EPHA6: variants seen among roughly 807,000 people sequenced by gnomAD.
The protein encoded by EPHA6 is EPH receptor A6, also known as ephrin type-A receptor 6.
Under a neutral mutation model 112.0 loss-of-function variants are expected in EPHA6, and 50 were observed. That is an observed-to-expected ratio of 0.45 (90% CI 0.36 to 0.56). EPHA6 has a LOEUF of 0.56. Ranked by LOEUF, EPHA6 falls within the 20% of genes least tolerant of loss-of-function variation. EPHA6 has a pLI of 0.00. For missense variants in EPHA6, 1,280 were observed against 1,417.4 expected (o/e 0.90, Z 1.56); for synonymous variants, 529 against 490.7 (o/e 1.08, Z -1.03).
At chr3:97,458,478 G>T (rs1228521902) in intron 7 of EPHA6, among the ~76,000 whole-genome samples, 2 of 151,852 alleles carry the variant, frequency 1.3e-5, no homozygotes, top group African/African-American at 4.8e-5. Context: ...AATAATTTTG[G>T]CAATTCCATC....
At chr3:97,024,758 C>T (rs1001355022) in intron 3 of EPHA6, among the ~76,000 whole-genome samples, 1 of 152,060 alleles carries the variant, frequency 6.6e-6, no homozygotes, top group Admixed American at 6.6e-5. Context: ...ATTTGCAAAG[C>T]CGTTCCCTTA....
intron 6 of EPHA6, among the ~76,000 whole-genome samples, chr3:97,410,597 A>G (rs1004073302): frequency 3.9e-5 from 6 of 152,044 alleles, no homozygotes; most frequent in African/African-American, 1.4e-4. Flanking sequence ...AAATGTCGTT[A>G]TTACACAAGG....
At chr3:97,534,698 CAG>C (rs1209789620) in intron 11 of EPHA6, among the ~76,000 whole-genome samples, 1 of 151,946 alleles carries the variant, frequency 6.6e-6, no homozygotes, top group South Asian at 2.1e-4. Flanking sequence ...AAGAGAGAAA[CAG>C]AGAGACAGAA....
intron 10 of EPHA6, among the ~76,000 whole-genome samples, chr3:97,486,150 A>G (rs946126247): frequency 1.3e-5 from 2 of 152,296 alleles, no homozygotes; most frequent in South Asian, 2.1e-4. Context: ...CTGAACTCTA[A>G]TAAGTCATAA....
At chr3:97,441,568 A>G (rs2090138842) in intron 6 of EPHA6, 1 of 326,824 alleles carries the variant, frequency 3.1e-6, no homozygotes, top group African/African-American at 2.2e-5. Context: ...GTTACTTTGC[A>G]ATATTATGCT....
intron 3 of EPHA6, among the ~76,000 whole-genome samples, chr3:97,091,061 C>A (rs149491021): frequency 1.3e-5 from 2 of 152,028 alleles, no homozygotes; most frequent in African/African-American, 4.8e-5. Flanking sequence ...TTCACAAAGG[C>A]CTTGTAGTTA....
chr3:97,208,816 C>G (rs1189195112), intron 3 of EPHA6, among the ~76,000 whole-genome samples: 2 of 151,888 alleles, frequency 1.3e-5, no homozygotes, highest in African/African-American at 2.4e-5. Flanking sequence ...ACTTTTCAAC[C>G]AATGGTTCAA....
At chr3:97,220,381 T>C (rs1167986311) in intron 3 of EPHA6, among the ~76,000 whole-genome samples, 1 of 152,232 alleles carries the variant, frequency 6.6e-6, no homozygotes, top group African/African-American at 2.4e-5. Context: ...TACCCCACTC[T>C]CTTTGGTACC....
chr3:97,497,076 C>T (rs140555739), intron 10 of EPHA6, among the ~76,000 whole-genome samples: 6 of 152,324 alleles, frequency 3.9e-5, no homozygotes. Flanking sequence ...TCTTCTACCA[C>T]TCCGTGGTAT....
At chr3:97,000,820 A>T (rs886253810) in intron 3 of EPHA6, among the ~76,000 whole-genome samples, 1 of 151,234 alleles carries the variant, frequency 6.6e-6, no homozygotes, top group African/African-American at 2.4e-5. Context: ...TATAGTGTAT[A>T]TATCTTAGCA....
chr3:97,441,202 T>G (rs2090120630), intron 6 of EPHA6, among the ~76,000 whole-genome samples: 2 of 152,084 alleles, frequency 1.3e-5, no homozygotes, highest in African/African-American at 2.4e-5. Flanking sequence ...CTTAAAAATT[T>G]TAGCCTGAAA....
intron 14 of EPHA6, among the ~76,000 whole-genome samples, chr3:97,673,343 A>G (rs1316448804): frequency 6.6e-6 from 1 of 152,238 alleles, no homozygotes; most frequent in African/African-American, 2.4e-5. Context: ...ATGGGATGGC[A>G]TGAACATTCC....
chr3:97,250,233 C>T (rs866776737), intron 5 of EPHA6, among the ~76,000 whole-genome samples: 1 of 152,258 alleles, frequency 6.6e-6, no homozygotes, highest in Middle Eastern at 3.4e-3. Context: ...TCACTAAATC[C>T]TCTGGTGCTA....
intron 6 of EPHA6, among the ~76,000 whole-genome samples, chr3:97,428,696 G>A (rs1227623515): frequency 6.6e-6 from 1 of 151,588 alleles, no homozygotes; most frequent in Non-Finnish European, 1.5e-5. Context: ...GAGAGAGAAC[G>A]GGCTACAAGG....
intron 3 of EPHA6, among the ~76,000 whole-genome samples, chr3:97,028,727 A>G (rs1246925840): frequency 1.3e-5 from 2 of 151,982 alleles, no homozygotes; most frequent in African/African-American, 4.8e-5. Flanking sequence ...TCCTAATAAG[A>G]TGCTGTAATT....
chr3:97,726,965 C>A (rs1240706590), intron 15 of EPHA6, among the ~76,000 whole-genome samples: 4 of 152,068 alleles, frequency 2.6e-5, no homozygotes, highest in African/African-American at 9.7e-5. Context: ...TGTAAGATTG[C>A]AGTCTTGGGT....
intron 2 of EPHA6, among the ~76,000 whole-genome samples, chr3:96,905,222 A>G (rs908800700): frequency 2.0e-5 from 3 of 152,124 alleles, no homozygotes; most frequent in African/African-American, 7.2e-5. Context: ...AATTATAGAT[A>G]TTTTGTGATG....
chr3:96,908,026 C>A (rs1478358721), intron 2 of EPHA6, among the ~76,000 whole-genome samples: 1 of 151,914 alleles, frequency 6.6e-6, no homozygotes, highest in Non-Finnish European at 1.5e-5. Context: ...TATGATATAT[C>A]TTTTTGCTTG....
At chr3:97,062,666 A>G (rs1380580100) in intron 3 of EPHA6, among the ~76,000 whole-genome samples, 1 of 152,122 alleles carries the variant, frequency 6.6e-6, no homozygotes, top group Non-Finnish European at 1.5e-5. Context: ...ATGGTGGTGA[A>G]TAAGTCTTAT....
Sources: gnomAD v4.1 joint callset for allele counts (sites outside exome capture counted in the v4.1 genomes callset) on GRCh38, gnomAD v4.1.1 for gene constraint, MANE v1.5 for transcripts, NCBI Gene and HGNC (gene_info 2026-07-23, HGNC 2026-07-21) for gene names.